ERAP1: variants seen among roughly 807,000 people sequenced by gnomAD.
ERAP1 encodes endoplasmic reticulum aminopeptidase 1.
Under a neutral mutation model 103.7 loss-of-function variants are expected in ERAP1, and 86 were observed. The observed-to-expected ratio is 0.83, with a 90% CI of 0.70 to 0.99. The LOEUF is 0.99. ERAP1 is among the 50% of genes least tolerant of loss of function. The pLI, the probability that ERAP1 is intolerant of heterozygous loss-of-function variation, is 0.00. For missense variants in ERAP1, 1,009 were observed against 1,128.4 expected, an observed-to-expected ratio of 0.89 and a Z score of 1.52; for synonymous variants, 398 against 402.4, an observed-to-expected ratio of 0.99 and a Z score of 0.13.
the ERAP1 span, among the ~76,000 whole-genome samples, chr5:96,868,785 G>C: frequency 0.09 from 13,649 of 152,124 alleles, 733 homozygotes; most frequent in Non-Finnish European, 0.12. Flanking sequence ...TGCTGTTGGA[G>C]GGGCAAGGCA....
intron 10 of ERAP1, among the ~76,000 whole-genome samples, chr5:96,789,882 CAT>C (rs1246976148): frequency 1.3e-5 from 2 of 152,170 alleles, no homozygotes; most frequent in Non-Finnish European, 2.9e-5. Context: ...GGAGATAATA[CAT>C]ATAAGTGCTT....
At chr5:96,896,910 G>C in the ERAP1 span, 1 of 1,503,408 alleles carries the variant, frequency 6.7e-7, no homozygotes, top group Non-Finnish European at 8.9e-7. Context: ...AATCTAGAAA[G>C]TAACAGAATA....
At chr5:96,852,891 G>T in the ERAP1 span, among the ~76,000 whole-genome samples, 3 of 152,070 alleles carry the variant, frequency 2.0e-5, no homozygotes, top group African/African-American at 7.2e-5. Context: ...AATTTTCATG[G>T]CTAAACTGTT....
the ERAP1 span, among the ~76,000 whole-genome samples, chr5:96,840,801 G>A: frequency 6.6e-6 from 1 of 151,870 alleles, no homozygotes; most frequent in Admixed American, 6.6e-5. Flanking sequence ...CGCCTCCCGG[G>A]TTCAAGCGAT....
At chr5:96,776,772 T>TAAA in intron 18 of ERAP1, 1 of 589,280 alleles carries the variant, frequency 1.7e-6, no homozygotes, top group Non-Finnish European at 2.9e-6. Context: ...TTGTTTATTC[T>TAAA]CAGTTGCCAG....
chr5:96,783,626 T>A (rs892735981), intron 14 of ERAP1, among the ~76,000 whole-genome samples: 1 of 152,118 alleles, frequency 6.6e-6, no homozygotes, highest in Non-Finnish European at 1.5e-5. Context: ...AATCTGAACG[T>A]CAGCCATTGT....
the ERAP1 span, chr5:96,901,528 C>T: frequency 6.2e-7 from 1 of 1,613,466 alleles, no homozygotes; most frequent in African/African-American, 1.3e-5. Context: ...GGGGAAAATG[C>T]AGAGGTCAAA....
At chr5:96,914,933 TTAAA>T in the ERAP1 span, among the ~76,000 whole-genome samples, 7 of 112,018 alleles carry the variant, frequency 6.2e-5, no homozygotes, top group East Asian at 2.7e-4. Context: ...GTATAAAAAG[TTAAA>T]TAAATACATT....
chr5:96,874,178 GAA>G, the ERAP1 span, among the ~76,000 whole-genome samples: 5,474 of 62,642 alleles, frequency 0.087, 287 homozygotes, highest in East Asian at 0.35. Flanking sequence ...AAGAAAGAAA[GAA>G]AGAGAGAGAG....
the ERAP1 span, chr5:96,935,170 C>A: frequency 6.6e-6 from 1 of 152,228 alleles, no homozygotes; most frequent in Non-Finnish European, 1.5e-5. Context: ...CCCCCGGGAA[C>A]CGCAGGTGTT....
chr5:96,922,294 T>C, the ERAP1 span, among the ~76,000 whole-genome samples: 28 of 152,062 alleles, frequency 1.8e-4, no homozygotes, highest in Admixed American at 8.5e-4. Context: ...AGAGACTCCG[T>C]CTCAAAAAAA....
At chr5:96,911,839 C>A in the ERAP1 span, among the ~76,000 whole-genome samples, 2 of 125,406 alleles carry the variant, frequency 1.6e-5, no homozygotes, top group African/African-American at 6.3e-5. Context: ...TGCACTCCAA[C>A]CTGAACAACA....
At chr5:96,791,043 G>A (rs970978623) in intron 8 of ERAP1, among the ~76,000 whole-genome samples, 1 of 152,212 alleles carries the variant, frequency 6.6e-6, no homozygotes, top group Non-Finnish European at 1.5e-5. Flanking sequence ...TACAACAAGG[G>A]GTGGAGCACT....
At chr5:96,874,900 C>A in the ERAP1 span, among the ~76,000 whole-genome samples, 1 of 152,174 alleles carries the variant, frequency 6.6e-6, no homozygotes, top group Non-Finnish European at 1.5e-5. Context: ...TTTCACTTGA[C>A]AATAGAAATT....
chr5:96,934,932 A>G, the ERAP1 span: 1 of 152,590 alleles, frequency 6.6e-6, no homozygotes, highest in Non-Finnish European at 1.5e-5. Flanking sequence ...GGCGATGCGC[A>G]TACCGAGAGG....
At chr5:96,848,036 T>G in the ERAP1 span, among the ~76,000 whole-genome samples, 1 of 151,856 alleles carries the variant, frequency 6.6e-6, no homozygotes, top group Non-Finnish European at 1.5e-5. Flanking sequence ...CAAGAGCTTG[T>G]TTTTTTGTTT....
At position 96,774,964 on chromosome 5, in the gene ERAP1, T is replaced by C. The variant is rs182605212; in HGVS notation, c.*1432A>G. 2.0e-6 allele frequency: 2 copies of C among 985,548 alleles called. No individual in the cohort carries two copies. The highest frequency in any genetic ancestry group is 1.2e-4 in the Admixed American group (2 of 16,286). 61.1% of individuals were successfully genotyped at this position (985,548 alleles called of 1,614,324 possible). On this transcript the variant is annotated 3_prime_UTR_variant, in exon 19 of 19. Coordinates refer to ENST00000443439, the MANE Select transcript of ERAP1 (RefSeq NM_001040458.3). The stretch of plus-strand genomic sequence containing the variant: ...TTATCTTGAAGTTTTTGCCTTATAT[T>C]CAAAAAGTTCAGTTTGAATTCTCCT...
intron 10 of ERAP1, 84 bp downstream of exon 10, chr5:96,790,210 CAG>C: frequency 8.5e-7 from 1 of 1,174,800 alleles, no homozygotes; most frequent in Non-Finnish European, 1.3e-6. Flanking sequence ...TCAAGGACCT[CAG>C]AAAGTTTGGC....
At chr5:96,836,478 A>C in the ERAP1 span, among the ~76,000 whole-genome samples, 2 of 152,238 alleles carry the variant, frequency 1.3e-5, no homozygotes, top group African/African-American at 4.8e-5. Flanking sequence ...CTGGGATTAC[A>C]GGCGTGAGCC....
Sources: gnomAD v4.1 joint callset for allele counts (sites outside exome capture counted in the v4.1 genomes callset) on GRCh38, gnomAD v4.1.1 for gene constraint, MANE v1.5 for transcripts, NCBI Gene and HGNC (gene_info 2026-07-23, HGNC 2026-07-21) for gene names.